Variants in THADA observed in about 807,000 individuals in gnomAD.
THADA encodes the protein tRNA (32-2'-O)-methyltransferase regulator THADA.
Under a neutral mutation model 219.8 loss-of-function variants are expected in THADA, and 213 were observed. That is an observed-to-expected ratio of 0.97 (90% CI 0.87 to 1.09). THADA has a LOEUF of 1.09. Ranked by LOEUF, THADA falls within the 50% of genes least tolerant of loss-of-function variation. The probability of loss-of-function intolerance (pLI) is 0.00; values close to 1 mark genes in which losing one functional copy is unlikely to be tolerated. For synonymous variants in THADA, 1,018 were observed against 828.9 expected (o/e 1.23, Z -3.92); for missense variants, 2,956 against 2,311.3 (o/e 1.28, Z -5.72).
chr2:43,326,054 G>A (rs141444357), intron 30 of THADA, among the ~76,000 whole-genome samples: 9 of 151,614 alleles, frequency 5.9e-5, no homozygotes, highest in African/African-American at 2.2e-4. Flanking sequence ...ATCTTACGCA[G>A]CTACTAAAAT....
At chr2:43,325,932 G>A (rs1679271603) in intron 30 of THADA, among the ~76,000 whole-genome samples, 1 of 152,088 alleles carries the variant, frequency 6.6e-6, no homozygotes. Flanking sequence ...CATCAATAGG[G>A]TTATGCTTTG....
At chr2:43,480,893 C>T (rs1686134321) in intron 26 of THADA, among the ~76,000 whole-genome samples, 1 of 151,808 alleles carries the variant, frequency 6.6e-6, no homozygotes, top group African/African-American at 2.4e-5. Context: ...TTCAATTTGG[C>T]CAAATAGGGC....
chr2:43,392,136 A>G (rs539807913), intron 29 of THADA, among the ~76,000 whole-genome samples: 394 of 152,324 alleles, frequency 2.6e-3, no homozygotes, highest in African/African-American at 9.0e-3. Context: ...CTATCAAGAA[A>G]TGTTCCATTT....
chr2:43,343,150 C>T (rs1464129828), intron 30 of THADA: 1 of 152,254 alleles, frequency 6.6e-6, no homozygotes, highest in East Asian at 1.9e-4. Flanking sequence ...GCCTTAGCCT[C>T]CCAAGTAGTT....
chr2:43,449,392 TAA>T (rs1240787489), intron 26 of THADA, among the ~76,000 whole-genome samples: 1 of 150,624 alleles, frequency 6.6e-6, no homozygotes, highest in African/African-American at 2.4e-5. Flanking sequence ...GAGAAAGAGG[TAA>T]AGAGATTATC....
chr2:43,273,749 T>C (rs1209730814), intron 36 of THADA, among the ~76,000 whole-genome samples: 1 of 152,182 alleles, frequency 6.6e-6, no homozygotes, highest in Non-Finnish European at 1.5e-5. Flanking sequence ...ATAGGGCCAC[T>C]GGAAAATGTC....
intron 22 of THADA, among the ~76,000 whole-genome samples, chr2:43,514,687 TA>T (rs1558888107): frequency 1.2e-4 from 9 of 74,988 alleles, no homozygotes; most frequent in East Asian, 2.9e-4. Context: ...TATTATATTA[TA>T]TATAATATAT....
chr2:43,288,282 G>A (rs1354601898), intron 34 of THADA, among the ~76,000 whole-genome samples: 3 of 152,188 alleles, frequency 2.0e-5, no homozygotes, highest in Non-Finnish European at 4.4e-5. Context: ...GCTGGACATG[G>A]TGGCGCGTGC....
At chr2:43,360,878 A>G (rs765320713) in intron 29 of THADA, among the ~76,000 whole-genome samples, 43 of 152,216 alleles carry the variant, frequency 2.8e-4, no homozygotes, top group Non-Finnish European at 5.6e-4. Context: ...GGTGCTCACT[A>G]GACTCATACT....
chr2:43,498,662 A>C (rs1485716821), intron 25 of THADA, among the ~76,000 whole-genome samples, 171 bp downstream of exon 25: 1 of 152,190 alleles, frequency 6.6e-6, no homozygotes, highest in Admixed American at 6.5e-5. Flanking sequence ...ATGAGTGAAA[A>C]TGGAACCATG....
chr2:43,341,465 A>T (rs895041586), intron 30 of THADA, among the ~76,000 whole-genome samples: 1 of 152,150 alleles, frequency 6.6e-6, no homozygotes, highest in African/African-American at 2.4e-5. Flanking sequence ...CTGCAGAGGA[A>T]GCTGATGGCA....
chr2:43,409,544 G>T (rs905612070), intron 28 of THADA, among the ~76,000 whole-genome samples: 3 of 151,976 alleles, frequency 2.0e-5, no homozygotes, highest in Admixed American at 6.6e-5. Context: ...GAGAAAGTCT[G>T]ACATCCTCCT....
chr2:43,462,303 G>T (rs1021367222), intron 26 of THADA, among the ~76,000 whole-genome samples: 3 of 152,108 alleles, frequency 2.0e-5, no homozygotes, highest in African/African-American at 2.4e-5. Context: ...AAAGGGGAAG[G>T]CGCTGACCAA....
chr2:43,300,941 G>A (rs1357864574), intron 31 of THADA, among the ~76,000 whole-genome samples: 1 of 152,170 alleles, frequency 6.6e-6, no homozygotes, highest in Non-Finnish European at 1.5e-5. Flanking sequence ...TTTTCAACAA[G>A]CTCACAGGTG....
intron 21 of THADA, among the ~76,000 whole-genome samples, chr2:43,529,995 G>T (rs184201743): frequency 1.3e-5 from 2 of 152,196 alleles, no homozygotes; most frequent in Admixed American, 1.3e-4. Flanking sequence ...AGTTCAATAT[G>T]AGTTCTGACT....
intron 35 of THADA, among the ~76,000 whole-genome samples, chr2:43,286,672 C>T (rs1244322587): frequency 6.6e-6 from 1 of 152,014 alleles, no homozygotes; most frequent in African/African-American, 2.4e-5. Context: ...TTGCACTAAG[C>T]CGAGATCGTA....
In THADA at chr2:43,380,521, G is replaced by A. The variant is rs1033987767; in HGVS notation, c.4227+17450C>T. On this transcript the variant is annotated intron_variant, in intron 29 of 37. Coordinates refer to ENST00000405975, the MANE Select transcript of THADA (RefSeq NM_022065.5). ...TACTGGAGTAGAGTCAAAGACGTCAGTATGAACTCTTGTTTAGCTTAAATA... is the reference window on the plus strand; with the variant it reads ...TACTGGAGTAGAGTCAAAGACGTCAATATGAACTCTTGTTTAGCTTAAATA... Among the ~76,000 whole-genome samples, 16 of 152,334 alleles carry A rather than the reference G, an allele frequency of 1.1e-4. 1 individual carries two copies. In the South Asian group the frequency reaches 2.1e-3, roughly 20 times the overall value.
chr2:43,583,226 T>G (rs535577822), intron 7 of THADA, among the ~76,000 whole-genome samples: 2 of 152,350 alleles, frequency 1.3e-5, no homozygotes, highest in South Asian at 4.1e-4. Flanking sequence ...AAATCTGCTG[T>G]ACCTGCTGCA....
chr2:43,318,162 C>T (rs137932185), intron 31 of THADA, among the ~76,000 whole-genome samples: 3,419 of 152,166 alleles, frequency 0.022, 61 homozygotes, highest in Non-Finnish European at 0.034. Context: ...GTCTCAGCCT[C>T]CCAAGTACCT....
Sources: gnomAD v4.1 joint callset for allele counts (sites outside exome capture counted in the v4.1 genomes callset) on GRCh38, gnomAD v4.1.1 for gene constraint, MANE v1.5 for transcripts, NCBI Gene and HGNC (gene_info 2026-07-23, HGNC 2026-07-21) for gene names.